The following ABCA13 variants were observed in gnomAD, a reference collection of about 807,000 sequenced individuals.
The protein encoded by ABCA13 is ATP-binding cassette sub-family A member 13.
A neutral mutation model predicts 478.7 loss-of-function variants in ABCA13; 476 were observed. That is an observed-to-expected ratio of 0.99 (90% confidence interval 0.92 to 1.07). The LOEUF (loss-of-function observed/expected upper bound fraction) is 1.07, where lower values mean the gene tolerates loss of function less well. ABCA13 is among the 50% of genes least tolerant of loss of function. The probability of loss-of-function intolerance (pLI) is 0.00; values close to 1 mark genes in which losing one functional copy is unlikely to be tolerated. For missense variants in ABCA13, 6,060 were observed against 5,910.6 expected, an observed-to-expected ratio of 1.03 and a Z score of -0.83; for synonymous variants, 2,252 against 2,158.9, an observed-to-expected ratio of 1.04 and a Z score of -1.20.
intron 19 of ABCA13, among the ~76,000 whole-genome samples, chr7:48,287,081 G>A (rs1461378563): frequency 1.3e-5 from 2 of 152,100 alleles, no homozygotes; most frequent in Non-Finnish European, 2.9e-5. Context: ...AGCAGGGAGG[G>A]GAGGGGCTTT....
intron 1 of ABCA13, 95 bp downstream of exon 1, chr7:48,171,647 TA>T: frequency 7.5e-7 from 1 of 1,326,390 alleles, no homozygotes; most frequent in African/African-American, 1.4e-5. Flanking sequence ...TCCTGGCAGG[TA>T]AAAACACTCA....
Position 48,564,554 on chromosome 7 carries a change from C to T in ABCA13, c.14355-15670C>T, listed in dbSNP as rs191641966. On this transcript the variant is annotated intron_variant, in intron 55 of 61. Coordinates refer to ENST00000435803, the MANE Select transcript of ABCA13 (RefSeq NM_152701.5). Reference sequence around the variant, plus strand: ...AAAATAAAAATCTTAGTAAGTTTACCTTCCCTTGCTTAAATATCTAAAAAT... The same window carrying T: ...AAAATAAAAATCTTAGTAAGTTTACTTTCCCTTGCTTAAATATCTAAAAAT... 4.3e-3 allele frequency among the ~76,000 whole-genome samples: 649 copies of T among 151,746 alleles called. 4 individuals carry two copies. The highest frequency in any genetic ancestry group is 0.02 in the South Asian group (96 of 4,824).
intron 41 of ABCA13, among the ~76,000 whole-genome samples, chr7:48,423,920 A>G (rs1002032395): frequency 6.6e-6 from 1 of 152,216 alleles, no homozygotes; most frequent in Admixed American, 6.5e-5. Flanking sequence ...AAAACATTAG[A>G]TAAGATTGAA....
intron 55 of ABCA13, among the ~76,000 whole-genome samples, chr7:48,574,788 A>C (rs1440690529): frequency 6.6e-6 from 1 of 152,102 alleles, no homozygotes; most frequent in Non-Finnish European, 1.5e-5. Flanking sequence ...AACAAACAAA[A>C]CACATGTCTC....
At chr7:48,356,163 CAT>C in intron 31 of ABCA13, among the ~76,000 whole-genome samples, 1 of 152,014 alleles carries the variant, frequency 6.6e-6, no homozygotes, top group African/African-American at 2.4e-5. Context: ...TCAAGTGTGT[CAT>C]ATGTGGCTCA....
chr7:48,476,751 T>G (rs542270523), intron 45 of ABCA13, among the ~76,000 whole-genome samples: 2 of 152,232 alleles, frequency 1.3e-5, no homozygotes, highest in South Asian at 4.1e-4. Flanking sequence ...CCTCTGAAAC[T>G]TCTAAGGAAA....
chr7:48,356,362 T>G (rs1247451630), intron 31 of ABCA13, among the ~76,000 whole-genome samples: 2 of 151,534 alleles, frequency 1.3e-5, no homozygotes, highest in East Asian at 1.9e-4. Context: ...GGGAGGTGAC[T>G]TCTTCTTCTT....
rs1415991110 is a variant in ABCA13, at chr7:48,410,530, C to T, written c.12081C>T (p.Ile4027=). ...ILLKYREGRT[I]IFTTHHLDEA... ...TGTGCTTGGACCCAGGTCGTACGAT[C>T]ATCTTCACAACCCACCACCTGGATG... The change falls in exon 40 of 62, where the codon ATC becomes ATT. Residue 4027 remains isoleucine, a synonymous_variant. Transcript: ENST00000435803. 1 of 1,614,038 alleles carries T rather than the reference C, an allele frequency of 6.2e-7. No homozygotes were observed. Among genetic ancestry groups the T allele is most frequent in the Non-Finnish European group, 8.5e-7 (1 of 1,179,884 alleles).
intron 15 of ABCA13, among the ~76,000 whole-genome samples, chr7:48,251,072 A>G (rs1371271191): frequency 6.6e-6 from 1 of 152,176 alleles, no homozygotes; most frequent in Non-Finnish European, 1.5e-5. Flanking sequence ...CACATATGGT[A>G]AGATGGGCCT....
rs767331174 is a variant in ABCA13 at position 48,350,834 on chromosome 7, A to T, written c.10381+15A>T. On this transcript the variant is annotated intron_variant, in intron 30 of 61. Transcript: ENST00000435803. ...CTTCTTGGCCAGTAAGTACTCAATG[A>T]AAAAATATGTTCGCCAAGATGCCAA... 1 of 1,606,806 alleles carries T rather than the reference A, an allele frequency of 6.2e-7. No individual in the cohort carries two copies. Among genetic ancestry groups the T allele is most frequent in the Non-Finnish European group, 8.5e-7 (1 of 1,175,298 alleles).
At chr7:48,531,296 G>A (rs1287014429) in intron 55 of ABCA13, among the ~76,000 whole-genome samples, 1 of 151,982 alleles carries the variant, frequency 6.6e-6, no homozygotes, top group African/African-American at 2.4e-5. Context: ...AGATCAGTTG[G>A]CTGTGAGTAT....
In ABCA13 at chr7:48,410,779, C is replaced by T. The variant is rs1818908826; in HGVS notation, c.12228+102C>T. On this transcript the variant is annotated intron_variant, in intron 40 of 61. Coordinates refer to ENST00000435803, the MANE Select transcript of ABCA13 (RefSeq NM_152701.5). The stretch of plus-strand genomic sequence containing the variant: ...ATAGTAATAACGTCTCAGTGGAGGC[C>T]TTCTGTGCACAATGGCCCACATGCC... 3 of 1,467,542 alleles carry T rather than the reference C, an allele frequency of 2.0e-6. No homozygotes were observed. In the South Asian group the frequency reaches 4.0e-5, roughly 19 times the overall value. The allele number at this position is 1,467,542 out of a possible 1,614,324, so 90.9% of individuals were successfully genotyped here. A position where few individuals can be genotyped will look rare whatever the true frequency, so the allele number is the denominator to read the frequency against.
chr7:48,497,508 T>C (rs1830376623), intron 48 of ABCA13, among the ~76,000 whole-genome samples: 1 of 152,180 alleles, frequency 6.6e-6, no homozygotes, highest in Admixed American at 6.6e-5. Flanking sequence ...TTTTGGAAAC[T>C]GTAATATGTG....
chr7:48,372,354 C>T lies in ABCA13; in HGVS notation c.10990C>T (p.Leu3664=). The T allele has an allele frequency of 6.2e-7, 1 of 1,613,928 alleles. No individual in the cohort carries two copies. Among genetic ancestry groups the T allele is most frequent in the Non-Finnish European group, 8.5e-7 (1 of 1,179,856 alleles). The change falls in exon 33 of 62, where the codon CTG becomes TTG. Residue 3664 remains leucine (L), a synonymous_variant. Transcript: ENST00000435803. The part of the protein sequence containing the change: ...LLDFGMSVVM[L]SYLLSAFFSQ... ...GGATTTTGGGATGTCAGTCGTCATG[C>T]TGAGCTACCTCTTGAGTGCATTTTT... is the stretch of plus-strand genomic sequence containing the variant.
intron 1 of ABCA13, among the ~76,000 whole-genome samples, chr7:48,175,211 A>G (rs1413693137): frequency 3.3e-5 from 5 of 152,088 alleles, no homozygotes; most frequent in Non-Finnish European, 7.4e-5. Flanking sequence ...TTAATTACTT[A>G]TTTTATTTTT....
At chr7:48,503,397 A>G (rs1436981573) in intron 48 of ABCA13, among the ~76,000 whole-genome samples, 1 of 152,096 alleles carries the variant, frequency 6.6e-6, no homozygotes, top group African/African-American at 2.4e-5. Flanking sequence ...GGCTTTATTT[A>G]TCTTATGTCT....
intron 15 of ABCA13, among the ~76,000 whole-genome samples, chr7:48,254,591 C>T (rs74764970): frequency 0.037 from 5,654 of 152,088 alleles, 319 homozygotes; most frequent in African/African-American, 0.13. Context: ...AGAGATAATG[C>T]GACACTCTGC....
At chr7:48,352,068 G>A in intron 30 of ABCA13, 113 bp from the exon 31 acceptor site, 3 of 1,034,026 alleles carry the variant, frequency 2.9e-6, no homozygotes, top group Non-Finnish European at 2.8e-6. Flanking sequence ...TGCAGGAGTG[G>A]AGGGCTGTGA....
At chr7:48,527,460 G>A (rs1380593098) in intron 54 of ABCA13, among the ~76,000 whole-genome samples, 1 of 152,120 alleles carries the variant, frequency 6.6e-6, no homozygotes, top group Non-Finnish European at 1.5e-5. Flanking sequence ...CAGCTGTCTT[G>A]GAAGGAGATT....
Sources: gnomAD v4.1 joint callset for allele counts (sites outside exome capture counted in the v4.1 genomes callset) on GRCh38, gnomAD v4.1.1 for gene constraint, MANE v1.5 for transcripts, NCBI Gene and HGNC (gene_info 2026-07-23, HGNC 2026-07-21) for gene names.